PCDHA3: variants seen among roughly 807,000 people sequenced by gnomAD.
The protein encoded by PCDHA3 is protocadherin alpha 3, also known as protocadherin alpha-3.
Under a neutral mutation model 62.2 loss-of-function variants are expected in PCDHA3, and 41 were observed. The observed-to-expected ratio is 0.66, with a 90% CI of 0.51 to 0.86. PCDHA3 has a LOEUF of 0.86. PCDHA3 is among the 40% of genes least tolerant of loss of function. The probability of loss-of-function intolerance (pLI) is 0.00; values close to 1 mark genes in which losing one functional copy is unlikely to be tolerated. For missense variants in PCDHA3, 1,304 were observed against 1,241.2 expected (o/e 1.05, Z -0.76); for synonymous variants, 640 against 555.4 (o/e 1.15, Z -2.14).
rs2150369149 is a variant in PCDHA3 at position 140,844,155 on chromosome 5, T to C, written c.2394+40564T>C. On this transcript the variant is annotated intron_variant, in intron 1 of 3. Transcript: ENST00000522353. ...AATATGTTGTCTTTATATTTACTTTTATTCACTTTAAGATCTCGGTTTATT... is the reference window on the plus strand; with the variant it reads ...AATATGTTGTCTTTATATTTACTTTCATTCACTTTAAGATCTCGGTTTATT... 1.3e-4 allele frequency among the ~76,000 whole-genome samples: 20 copies of C among 149,790 alleles called. 2 individuals carry two copies. The highest frequency in any genetic ancestry group is 6.7e-4 in the Admixed American group (10 of 14,966).
At chr5:140,924,188 T>A (rs2081715328) in intron 1 of PCDHA3, among the ~76,000 whole-genome samples, 1 of 152,146 alleles carries the variant, frequency 6.6e-6, no homozygotes, top group African/African-American at 2.4e-5. Flanking sequence ...AGAAAATTAG[T>A]TTTGGTTTAG....
At chr5:140,892,827 A>G (rs1304427197) in intron 1 of PCDHA3, among the ~76,000 whole-genome samples, 3 of 152,188 alleles carry the variant, frequency 2.0e-5, no homozygotes, top group African/African-American at 7.2e-5. Context: ...ACAGTGCTAC[A>G]GTGCTGCAAA....
intron 1 of PCDHA3, chr5:140,883,733 C>G (rs1554179634): frequency 3.1e-6 from 5 of 1,613,458 alleles, no homozygotes; most frequent in African/African-American, 1.3e-5. Flanking sequence ...GGAGAACGCG[C>G]TGGTCTCCTA....
intron 1 of PCDHA3, chr5:140,843,204 C>A (rs199959178): frequency 6.3e-7 from 1 of 1,596,052 alleles, no homozygotes; most frequent in South Asian, 1.1e-5. Flanking sequence ...GGGCTGTACA[C>A]GGGCGAGATC....
chr5:141,005,133 T>C (rs559773723), intron 3 of PCDHA3, among the ~76,000 whole-genome samples: 3 of 152,328 alleles, frequency 2.0e-5, no homozygotes, highest in Admixed American at 6.5e-5. Context: ...AAGTGCCTCA[T>C]TGGAGAGTTG....
intron 1 of PCDHA3, chr5:140,836,486 C>T: frequency 6.2e-7 from 1 of 1,613,874 alleles, no homozygotes; most frequent in Non-Finnish European, 8.5e-7. Context: ...TGTACCTGAT[C>T]ATCGCCATCT....
At chr5:140,914,426 A>T (rs1554196349) in intron 1 of PCDHA3, among the ~76,000 whole-genome samples, 1 of 152,140 alleles carries the variant, frequency 6.6e-6, no homozygotes. Context: ...TTAGCAAGGA[A>T]TATCTTTTCC....
chr5:140,876,069 A>G (rs1554168246), intron 1 of PCDHA3: 1 of 1,613,948 alleles, frequency 6.2e-7, no homozygotes, highest in South Asian at 1.1e-5. Flanking sequence ...TTCGGAAGTT[A>G]TTGGACAGAG....
chr5:140,829,909 G>A, intron 1 of PCDHA3: 1 of 1,613,992 alleles, frequency 6.2e-7, no homozygotes, highest in Non-Finnish European at 8.5e-7. Context: ...ACAACGCGTG[G>A]CTTTCGTATG....
intron 1 of PCDHA3, chr5:140,966,584 G>C (rs1227691524): frequency 7.4e-6 from 4 of 541,586 alleles, no homozygotes; most frequent in African/African-American, 6.0e-5. Context: ...CAGCGAGGAC[G>C]GTGGGGCCAG....
chr5:140,839,383 G>C (rs200307004), intron 1 of PCDHA3, among the ~76,000 whole-genome samples: 4 of 150 alleles, frequency 0.027, no homozygotes, highest in Non-Finnish European at 0.042. Flanking sequence ...CAATTATTAT[G>C]ATGATGATGA....
chr5:140,807,876 T>C (rs781990148), intron 1 of PCDHA3: 1 of 1,614,154 alleles, frequency 6.2e-7, no homozygotes. Context: ...CAGTTACTCA[T>C]CACAGTACTG....
At chr5:140,966,737 G>A (rs1466161811) in intron 1 of PCDHA3, 4 of 1,420,882 alleles carry the variant, frequency 2.8e-6, no homozygotes, top group Non-Finnish European at 3.7e-6. Flanking sequence ...CTCCGGCCCT[G>A]CCCGGCTGCC....
At chr5:141,002,956 G>C (rs782632089) in intron 3 of PCDHA3, among the ~76,000 whole-genome samples, 6 of 152,230 alleles carry the variant, frequency 3.9e-5, no homozygotes, top group Non-Finnish European at 7.3e-5. Context: ...GCCCCTCTGA[G>C]AGCTTTCCTG....
chr5:140,985,430 A>T lies in PCDHA3; in HGVS notation c.2542+2867A>T, dbSNP rs1158797076. ...GGAAATGGAGTGAGGAGGATTTATT[A>T]GTTGCTGCCTGAAGAAAAGGGAAAT... On this transcript the variant is annotated intron_variant, in intron 3 of 3. Transcript: ENST00000522353. Among the ~76,000 whole-genome samples the T allele has an allele frequency of 2.6e-5, 4 of 152,186 alleles. 1 individual carries two copies. Among genetic ancestry groups the T allele is most frequent in the Non-Finnish European group, 5.9e-5 (4 of 68,036 alleles).
At chr5:140,921,726 A>C (rs1278671755) in intron 1 of PCDHA3, among the ~76,000 whole-genome samples, 1 of 152,170 alleles carries the variant, frequency 6.6e-6, no homozygotes, top group East Asian at 1.9e-4. Flanking sequence ...AATTACTCCC[A>C]TAAAAATTAT....
chr5:140,974,221 T>A (rs75147433), intron 1 of PCDHA3, among the ~76,000 whole-genome samples: 1,739 of 152,246 alleles, frequency 0.011, 25 homozygotes, highest in Non-Finnish European at 0.017. Context: ...TAAAGAGAAA[T>A]CTTAGTTCCT....
In PCDHA3 at chr5:140,803,398, C is replaced by A. The variant is rs781917643; in HGVS notation, c.2201C>A (p.Pro734Gln). ...SAPPTEGDCGPGKPTLVCSSA... is the reference protein window; with the variant it reads ...SAPPTEGDCGQGKPTLVCSSA... ...CCGCCAACCGAAGGCGACTGTGGGC[C>A]GGGCAAGCCCACGCTGGTGTGCTCC... Residue 734 changes from proline to glutamine, a missense_variant, in exon 1 of 4, where the codon CCG (proline) becomes CAG (glutamine). Transcript: ENST00000522353. The A allele has an allele frequency of 3.1e-6, 5 of 1,614,198 alleles. No homozygotes were observed. The highest frequency in any genetic ancestry group is 1.3e-5 in the African/African-American group (1 of 75,052).
At chr5:140,807,692 A>C in intron 1 of PCDHA3, 2 of 1,614,216 alleles carry the variant, frequency 1.2e-6, no homozygotes, top group Non-Finnish European at 1.7e-6. Flanking sequence ...CGCCCTGCTC[A>C]CTTACAGACT....
Sources: allele counts gnomAD v4.1 joint callset (sites outside exome capture counted in the v4.1 genomes callset), GRCh38; gene constraint gnomAD v4.1.1; transcripts MANE v1.5; gene names NCBI Gene and HGNC (gene_info 2026-07-23, HGNC 2026-07-21).